The following RXRG variants were observed in gnomAD, a reference collection of about 807,000 sequenced individuals.
The protein encoded by RXRG is retinoid X receptor gamma, also known as retinoic acid receptor RXR-gamma.
In RXRG, 19 loss-of-function variants were observed where a neutral mutation model predicts 49.2. The observed-to-expected ratio is 0.39, with a 90% CI of 0.27 to 0.57. The LOEUF (loss-of-function observed/expected upper bound fraction) is 0.57, where lower values mean the gene tolerates loss of function less well. Among genes scored for constraint, RXRG ranks in the 20% least tolerant of loss-of-function variants. The pLI is 0.64. For synonymous variants in RXRG, 224 were observed against 216.6 expected, an observed-to-expected ratio of 1.03 and a Z score of -0.30; for missense variants, 452 against 592.5, an observed-to-expected ratio of 0.76 and a Z score of 2.46.
chr1:165,433,385 TG>T (rs1658731941), intron 1 of RXRG, among the ~76,000 whole-genome samples: 1 of 152,200 alleles, frequency 6.6e-6, no homozygotes, highest in African/African-American at 2.4e-5. Flanking sequence ...GCATGACCCC[TG>T]GCCCCGCCAT....
chr1:165,423,863 T>G (rs1348560790), intron 2 of RXRG, among the ~76,000 whole-genome samples: 1 of 152,224 alleles, frequency 6.6e-6, no homozygotes, highest in Non-Finnish European at 1.5e-5. Flanking sequence ...AGATGAACTT[T>G]AAGGTCTATT....
intron 9 of RXRG, among the ~76,000 whole-genome samples, chr1:165,404,515 A>C (rs866186182): frequency 1.3e-5 from 2 of 152,278 alleles, no homozygotes; most frequent in South Asian, 4.1e-4. Context: ...ACTGCAAAAT[A>C]TTACAAAACC....
At chr1:165,412,177 AC>A (rs1657975720) in intron 4 of RXRG, among the ~76,000 whole-genome samples, 1 of 152,176 alleles carries the variant, frequency 6.6e-6, no homozygotes, top group African/African-American at 2.4e-5. Flanking sequence ...GCAATGCCGA[AC>A]ATCTAGTTTG....
At position 165,424,888 on chromosome 1, in the gene RXRG, C is replaced by T. The variant is rs1401442942; in HGVS notation, c.297+3831G>A. 5.1e-6 allele frequency: 5 copies of T among 985,440 alleles called. No homozygotes were observed. In the African/African-American group the frequency reaches 8.7e-5, roughly 17 times the overall value. The allele number at this position is 985,440 out of a possible 1,614,324, so 61.0% of individuals were successfully genotyped here. A position where few individuals can be genotyped will look rare whatever the true frequency, so the allele number is the denominator to read the frequency against. ...CAGCTCACTGTAGCTAACACCAAGG[C>T]CTTTTTTCCAGTGTCATCTCGTTAA... On this transcript the variant is annotated intron_variant, in intron 2 of 9. Transcript: ENST00000359842.
intron 4 of RXRG, among the ~76,000 whole-genome samples, chr1:165,413,196 G>A (rs907213823): frequency 2.0e-5 from 3 of 152,114 alleles, no homozygotes; most frequent in African/African-American, 7.2e-5. Flanking sequence ...GCTTCTACTT[G>A]TCAGACATTC....
intron 9 of RXRG, among the ~76,000 whole-genome samples, chr1:165,405,532 G>A (rs1186149175): frequency 4.6e-5 from 7 of 152,236 alleles, no homozygotes; most frequent in South Asian, 2.1e-4. Flanking sequence ...CTCTAAGACC[G>A]AGGTCTGGCC....
Position 165,420,027 on chromosome 1 carries a change from A to G in RXRG, c.298-13T>C. 1 of 1,587,462 alleles carries G rather than the reference A, an allele frequency of 6.3e-7. No homozygotes were observed. Among genetic ancestry groups the G allele is most frequent in the Non-Finnish European group, 8.6e-7 (1 of 1,164,588 alleles). On this transcript the variant is annotated splice_polypyrimidine_tract_variant and intron_variant, in intron 2 of 9. Transcript: ENST00000359842. ...TGACCACATTTAGCTGCAAGAGAAA[A>G]AAATACTGTAAAGCACAGAGCCAGA...
At position 165,423,786 on chromosome 1, in the gene RXRG, A is replaced by G. The variant is rs549801684; in HGVS notation, c.298-3772T>C. Reference sequence around the variant, plus strand: ...TCTGCTTTTATCTTATGTGTATATCAGGCTTCCAACTATGCTTTCATCTGA... The same window carrying G: ...TCTGCTTTTATCTTATGTGTATATCGGGCTTCCAACTATGCTTTCATCTGA... On this transcript the variant is annotated intron_variant, in intron 2 of 9. Transcript: ENST00000359842. Among the ~76,000 whole-genome samples the G allele has an allele frequency of 3.3e-5, 5 of 152,312 alleles. No individual in the cohort carries two copies. The South Asian group carries it at 1.0e-3, about 32-fold the overall frequency.
chr1:165,410,523 A>G (rs1187768473), intron 6 of RXRG, among the ~76,000 whole-genome samples, 179 bp downstream of exon 6: 1 of 152,248 alleles, frequency 6.6e-6, no homozygotes, highest in Non-Finnish European at 1.5e-5. Context: ...ATGGGAAAAG[A>G]GTCCCACTTC....
rs565506206 is a variant in RXRG at position 165,411,224 on chromosome 1, C to A, written c.623-115G>T. 556 of 1,070,036 alleles carry A rather than the reference C, an allele frequency of 5.2e-4. 9 individuals carry two copies. In the South Asian group the frequency reaches 7.9e-3, roughly 15 times the overall value. 66.3% of individuals were successfully genotyped at this position (1,070,036 alleles called of 1,614,324 possible). ...TCTATGAAAGGGGAATCATTATGAT[C>A]CTGAATTGGGGATGTTGGAATGTTG... On this transcript the variant is annotated intron_variant, in intron 4 of 9. Coordinates refer to ENST00000359842, the MANE Select transcript of RXRG (RefSeq NM_006917.5).
At chr1:165,409,293 T>C (rs1161290355) in intron 7 of RXRG, among the ~76,000 whole-genome samples, 1 of 152,240 alleles carries the variant, frequency 6.6e-6, no homozygotes, top group African/African-American at 2.4e-5. Context: ...GCAACTGTGC[T>C]GGCCTCTGAG....
chr1:165,411,616 C>T (rs1044740495), intron 4 of RXRG, among the ~76,000 whole-genome samples: 1 of 152,164 alleles, frequency 6.6e-6, no homozygotes, highest in African/African-American at 2.4e-5. Context: ...TCCGACTTGT[C>T]AGGGAAGATC....
intron 2 of RXRG, among the ~76,000 whole-genome samples, chr1:165,424,587 A>G (rs1395728486): frequency 6.6e-6 from 1 of 152,218 alleles, no homozygotes; most frequent in Non-Finnish European, 1.5e-5. Context: ...TCCTGCCTTC[A>G]TCGTACCAGT....
intron 4 of RXRG, among the ~76,000 whole-genome samples, chr1:165,415,794 T>C (rs1658104465): frequency 6.6e-6 from 1 of 152,112 alleles, no homozygotes. Context: ...ACTTTTGAGG[T>C]TGCTGTTAAA....
intron 2 of RXRG, among the ~76,000 whole-genome samples, chr1:165,422,909 A>G (rs1170301979): frequency 6.6e-6 from 1 of 152,202 alleles, no homozygotes; most frequent in Non-Finnish European, 1.5e-5. Flanking sequence ...CCCATTCACC[A>G]CATTGTCTGC....
chr1:165,405,132 T>A (rs1657705376), intron 9 of RXRG, among the ~76,000 whole-genome samples: 1 of 152,154 alleles, frequency 6.6e-6, no homozygotes, highest in South Asian at 2.1e-4. Flanking sequence ...GAGTTGGAGT[T>A]TTTTGTTGGT....
intron 2 of RXRG, among the ~76,000 whole-genome samples, chr1:165,425,876 T>G (rs1014864503): frequency 1.3e-5 from 2 of 152,254 alleles, no homozygotes; most frequent in African/African-American, 4.8e-5. Context: ...CCGGGAGCAC[T>G]GATTATCCAT....
At chr1:165,416,473 T>A (rs1243197273) in intron 4 of RXRG, among the ~76,000 whole-genome samples, 1 of 152,172 alleles carries the variant, frequency 6.6e-6, no homozygotes, top group African/African-American at 2.4e-5. Context: ...GTCAAACCTG[T>A]GTAATGCCAG....
At chr1:165,443,749 T>C (rs562287258) in intron 1 of RXRG, among the ~76,000 whole-genome samples, 2 of 152,182 alleles carry the variant, frequency 1.3e-5, no homozygotes, top group Non-Finnish European at 2.9e-5. Context: ...TACCTTGCAG[T>C]GTGTCACCAT....
Sources: allele counts gnomAD v4.1 joint callset (sites outside exome capture counted in the v4.1 genomes callset), GRCh38; gene constraint gnomAD v4.1.1; transcripts MANE v1.5; gene names NCBI Gene and HGNC (gene_info 2026-07-23, HGNC 2026-07-21).